Variants in FAF1 observed in about 807,000 individuals in gnomAD.
The protein encoded by FAF1 is Fas associated factor 1.
Under a neutral mutation model 92.5 loss-of-function variants are expected in FAF1, and 25 were observed. The observed-to-expected ratio is 0.27, with a 90% confidence interval of 0.20 to 0.38. FAF1 has a LOEUF of 0.38. Ranked by LOEUF, FAF1 falls within the 10% of genes least tolerant of loss-of-function variation. FAF1 has a pLI of 1.00. For synonymous variants in FAF1, 234 were observed against 273.2 expected, an observed-to-expected ratio of 0.86 and a Z score of 1.42; for missense variants, 636 against 793.3, an observed-to-expected ratio of 0.80 and a Z score of 2.38.
At chr1:50,866,181 G>A (rs1178867766) in intron 1 of FAF1, among the ~76,000 whole-genome samples, 1 of 152,034 alleles carries the variant, frequency 6.6e-6, no homozygotes, top group African/African-American at 2.4e-5. Flanking sequence ...AGCAAAATCA[G>A]CATAGAAAGG....
At chr1:50,577,120 C>G (rs568904351) in intron 12 of FAF1, among the ~76,000 whole-genome samples, 9 of 152,306 alleles carry the variant, frequency 5.9e-5, no homozygotes, top group African/African-American at 2.2e-4. Flanking sequence ...CGTTTCCTCA[C>G]TTTAATCTTC....
chr1:50,659,793 A>G (rs1008742464), intron 7 of FAF1, among the ~76,000 whole-genome samples: 1 of 152,202 alleles, frequency 6.6e-6, no homozygotes, highest in Non-Finnish European at 1.5e-5. Context: ...TCTAATTTGC[A>G]TTCAAGATTT....
chr1:50,831,121 TA>T (rs1485188898), intron 2 of FAF1, among the ~76,000 whole-genome samples: 1 of 152,054 alleles, frequency 6.6e-6, no homozygotes, highest in Non-Finnish European at 1.5e-5. Context: ...ATTGAGTCAG[TA>T]GACAAAGCAG....
intron 2 of FAF1, among the ~76,000 whole-genome samples, chr1:50,830,717 A>G (rs1644145313): frequency 6.6e-6 from 1 of 152,100 alleles, no homozygotes; most frequent in Non-Finnish European, 1.5e-5. Flanking sequence ...AATAAAAAAT[A>G]AACACATTTA....
At chr1:50,581,609 TA>T (rs1650988101) in intron 12 of FAF1, among the ~76,000 whole-genome samples, 1 of 152,092 alleles carries the variant, frequency 6.6e-6, no homozygotes, top group African/African-American at 2.4e-5. Flanking sequence ...AACACTGTGT[TA>T]AGTGTAACAA....
chr1:50,923,732 A>G (rs142966979), intron 1 of FAF1, among the ~76,000 whole-genome samples: 71 of 152,354 alleles, frequency 4.7e-4, no homozygotes, highest in Non-Finnish European at 9.6e-4. Flanking sequence ...ATCACTCACC[A>G]TAAGTGGGAT....
intron 13 of FAF1, among the ~76,000 whole-genome samples, chr1:50,545,933 T>TG (rs1648994066): frequency 1.3e-5 from 2 of 152,050 alleles, no homozygotes; most frequent in Admixed American, 6.6e-5. Context: ...GAGGCCAAGG[T>TG]GGGGGGAGGA....
intron 2 of FAF1, chr1:50,846,511 CG>C: frequency 2.0e-6 from 1 of 495,834 alleles, no homozygotes; most frequent in Non-Finnish European, 4.0e-6. Context: ...AGCCATGCCG[CG>C]GCCAGACTGC....
chr1:50,451,292 T>G (rs72690462), intron 18 of FAF1, among the ~76,000 whole-genome samples: 1,917 of 152,346 alleles, frequency 0.013, 19 homozygotes, highest in Middle Eastern at 0.02. Flanking sequence ...TTGTTCTTTG[T>G]TTTATTAAAT....
intron 6 of FAF1, among the ~76,000 whole-genome samples, chr1:50,716,014 T>A (rs1658154602): frequency 6.6e-6 from 1 of 152,210 alleles, no homozygotes; most frequent in Non-Finnish European, 1.5e-5. Context: ...TGAGTTTATG[T>A]CTCATTCAGA....
chr1:50,877,753 T>C (rs1041590775), intron 1 of FAF1, among the ~76,000 whole-genome samples: 3 of 152,142 alleles, frequency 2.0e-5, no homozygotes, highest in Non-Finnish European at 4.4e-5. Context: ...TTTTCTCCCT[T>C]CAGTTTACTG....
chr1:50,563,545 A>G (rs1359308300), intron 13 of FAF1, among the ~76,000 whole-genome samples: 2 of 152,234 alleles, frequency 1.3e-5, no homozygotes, highest in Non-Finnish European at 2.9e-5. Flanking sequence ...AGACTGTACA[A>G]TATTTTCCAA....
intron 1 of FAF1, among the ~76,000 whole-genome samples, chr1:50,888,056 A>T (rs1377137060): frequency 6.6e-6 from 1 of 152,116 alleles, no homozygotes; most frequent in East Asian, 1.9e-4. Flanking sequence ...TACTTCATTG[A>T]GCAGTGGTTT....
intron 13 of FAF1, among the ~76,000 whole-genome samples, chr1:50,564,666 G>GATAAAAAT (rs1250107955): frequency 6.6e-6 from 1 of 152,086 alleles, no homozygotes; most frequent in Non-Finnish European, 1.5e-5. Context: ...GATAAATGTG[G>GATAAAAAT]TGTAAAAATC....
chr1:50,773,780 G>A (rs1457129097), intron 4 of FAF1, among the ~76,000 whole-genome samples: 1 of 152,140 alleles, frequency 6.6e-6, no homozygotes, highest in Admixed American at 6.6e-5. Context: ...GCACAGTAAG[G>A]TGAATACAGT....
intron 8 of FAF1, among the ~76,000 whole-genome samples, chr1:50,618,424 T>TG (rs1653032305): frequency 6.7e-6 from 1 of 149,158 alleles, no homozygotes; most frequent in Non-Finnish European, 1.5e-5. Flanking sequence ...GTTTTTTTTT[T>TG]TTTTTTTTTT....
At chr1:50,602,436 T>G (rs1652184357) in intron 8 of FAF1, among the ~76,000 whole-genome samples, 1 of 152,180 alleles carries the variant, frequency 6.6e-6, no homozygotes. Flanking sequence ...TACAGGTCAA[T>G]TATACTTCAA....
Position 50,751,832 on chromosome 1 carries a change from G to C in FAF1, c.368-7057C>G, listed in dbSNP as rs148421993. ...TAATTTTGGTATTAGGGTAATGCTAGCTTCATAAAATAAATGAGGCAATGT... is the reference window on the plus strand; with the variant it reads ...TAATTTTGGTATTAGGGTAATGCTACCTTCATAAAATAAATGAGGCAATGT... On this transcript the variant is annotated intron_variant, in intron 4 of 18. Transcript: ENST00000396153. Among the ~76,000 whole-genome samples, 32 of 152,268 alleles carry C rather than the reference G, an allele frequency of 2.1e-4. No homozygotes were observed. The East Asian group carries it at 6.0e-3, about 28-fold the overall frequency.
intron 9 of FAF1, among the ~76,000 whole-genome samples, chr1:50,587,815 G>A (rs1353107948): frequency 6.6e-6 from 1 of 152,164 alleles, no homozygotes; most frequent in Non-Finnish European, 1.5e-5. Flanking sequence ...CAGAAGAGAG[G>A]ACCTAAATCA....
Sources: allele counts gnomAD v4.1 joint callset (sites outside exome capture counted in the v4.1 genomes callset), GRCh38; gene constraint gnomAD v4.1.1; transcripts MANE v1.5; gene names NCBI Gene and HGNC (gene_info 2026-07-23, HGNC 2026-07-21).